Variants in RORA observed in about 807,000 individuals in gnomAD.
The protein encoded by RORA is RAR related orphan receptor A.
In RORA, 7 loss-of-function variants were observed where a neutral mutation model predicts 69.5. That is an observed-to-expected ratio of 0.10 (90% CI 0.06 to 0.19). The LOEUF is 0.19. Ranked by LOEUF, RORA falls within the 10% of genes least tolerant of loss-of-function variation. RORA has a pLI of 1.00. For missense variants in RORA, 457 were observed against 663.0 expected, an observed-to-expected ratio of 0.69 and a Z score of 3.41; for synonymous variants, 261 against 240.8, an observed-to-expected ratio of 1.08 and a Z score of -0.78.
Position 60,987,254 on chromosome 15 carries a change from C to T in RORA, c.166+241799G>A, listed in dbSNP as rs890128407. Among the ~76,000 whole-genome samples, 13 of 152,302 alleles carry T rather than the reference C, an allele frequency of 8.5e-5. No individual in the cohort carries two copies. In the South Asian group the frequency reaches 1.0e-3, roughly 12 times the overall value. ...TTGTTGGGCACGTCATTCTCACCTC[C>T]GTGCCTTGGTCCCAGCTGTTCCTTC... is the stretch of plus-strand genomic sequence containing the variant. On this transcript the variant is annotated intron_variant, in intron 1 of 10. Coordinates refer to ENST00000335670, the MANE Select transcript of RORA (RefSeq NM_134261.3).
chr15:60,966,703 T>TG (rs1893562938), intron 1 of RORA, among the ~76,000 whole-genome samples: 1 of 152,212 alleles, frequency 6.6e-6, no homozygotes, highest in South Asian at 2.1e-4. Flanking sequence ...TCTACATTTC[T>TG]GATAAACCTG....
intron 1 of RORA, among the ~76,000 whole-genome samples, chr15:61,026,137 G>A (rs764735947): frequency 1.1e-4 from 16 of 152,168 alleles, no homozygotes; most frequent in Non-Finnish European, 1.6e-4. Context: ...GTCTTCGTGA[G>A]CTACCACAAT....
intron 1 of RORA, 114 bp downstream of exon 1, chr15:61,228,939 G>C (rs2052304740): frequency 3.5e-6 from 1 of 282,108 alleles, no homozygotes; most frequent in African/African-American, 2.3e-5. Flanking sequence ...GGGCGCCGCC[G>C]CAGGCTCGCG....
chr15:60,567,956 T>C (rs1265548826), intron 2 of RORA, among the ~76,000 whole-genome samples: 1 of 152,202 alleles, frequency 6.6e-6, no homozygotes, highest in East Asian at 1.9e-4. Flanking sequence ...GTAGAAAGCA[T>C]GCTCTGTGGC....
At chr15:60,787,365 C>T (rs566116514) in intron 1 of RORA, among the ~76,000 whole-genome samples, 1 of 152,328 alleles carries the variant, frequency 6.6e-6, no homozygotes, top group East Asian at 1.9e-4. Flanking sequence ...GCAGCAATCA[C>T]GAAGGAGCCA....
chr15:61,082,308 G>A (rs902884068), intron 1 of RORA, among the ~76,000 whole-genome samples: 5 of 152,184 alleles, frequency 3.3e-5, no homozygotes, highest in African/African-American at 1.2e-4. Flanking sequence ...GGCCAACATG[G>A]TGAAGCCCCG....
At chr15:61,125,271 C>T (rs1247322564) in intron 1 of RORA, among the ~76,000 whole-genome samples, 4 of 152,170 alleles carry the variant, frequency 2.6e-5, no homozygotes, top group Non-Finnish European at 5.9e-5. Flanking sequence ...ACACTGAATG[C>T]CCTACACATG....
Position 60,696,732 on chromosome 15 carries a change from C to T in RORA, c.167-18046G>A, listed in dbSNP as rs375842649. 3.4e-4 allele frequency among the ~76,000 whole-genome samples: 52 copies of T among 152,272 alleles called. No homozygotes were observed. In the South Asian group the frequency reaches 5.8e-3, roughly 17 times the overall value. ...TGACCCACTCACCGTGAAACACTTG[C>T]GGAGCCAAAATTCTAGGAAAAGCAC... On this transcript the variant is annotated intron_variant, in intron 1 of 10. Coordinates refer to ENST00000335670, the MANE Select transcript of RORA (RefSeq NM_134261.3).
chr15:60,925,685 T>C (rs1346953672), intron 1 of RORA, among the ~76,000 whole-genome samples: 2 of 152,192 alleles, frequency 1.3e-5, no homozygotes, highest in East Asian at 3.9e-4. Context: ...GCACTTTGCC[T>C]TTCTGGGCTT....
At chr15:61,047,224 C>T (rs1897073898) in intron 1 of RORA, among the ~76,000 whole-genome samples, 1 of 152,252 alleles carries the variant, frequency 6.6e-6, no homozygotes, top group African/African-American at 2.4e-5. Context: ...CAGGGATTTG[C>T]ACTAGCTCTC....
intron 1 of RORA, among the ~76,000 whole-genome samples, chr15:61,133,869 T>C (rs1442605771): frequency 6.6e-6 from 1 of 152,150 alleles, no homozygotes; most frequent in African/African-American, 2.4e-5. Context: ...TCAATGAAAA[T>C]AAATCTTTAA....
rs1566968654 is a variant in RORA at position 61,059,949 on chromosome 15, AGAAGAAGAAGAAGAG to A, written c.166+169089_166+169103del. Among the ~76,000 whole-genome samples the A allele has an allele frequency of 2.3e-4, 31 of 135,768 alleles. 1 individual carries two copies. The highest frequency in any genetic ancestry group is 8.4e-4 in the African/African-American group (30 of 35,670). The allele number at this position is 135,768 out of a possible 152,430, so 89.1% of individuals were successfully genotyped here. A position where few individuals can be genotyped will look rare whatever the true frequency, so the allele number is the denominator to read the frequency against. ...AAGAAGAAGAACAAGAAGAAGAAGAAGAAGAAGAAGAAGAGGAAGAGGAAGAGGAAGAGGAAGAGG... is the reference window on the plus strand; with the variant it reads ...AAGAAGAAGAACAAGAAGAAGAAGAAGAAGAGGAAGAGGAAGAGGAAGAGG... On this transcript the variant is annotated intron_variant, in intron 1 of 10. Coordinates refer to ENST00000335670, the MANE Select transcript of RORA (RefSeq NM_134261.3).
At chr15:61,133,788 G>A (rs1451373860) in intron 1 of RORA, among the ~76,000 whole-genome samples, 1 of 152,128 alleles carries the variant, frequency 6.6e-6, no homozygotes, top group Non-Finnish European at 1.5e-5. Context: ...CAGGAATCTG[G>A]GAACATTTGC....
intron 1 of RORA, among the ~76,000 whole-genome samples, chr15:60,800,633 C>T (rs1482552906): frequency 1.3e-5 from 2 of 152,106 alleles, no homozygotes; most frequent in African/African-American, 4.8e-5. Context: ...ACTCAGGGGG[C>T]GAGAGACTTT....
At chr15:60,622,907 G>C (rs2069456103) in intron 2 of RORA, among the ~76,000 whole-genome samples, 1 of 151,906 alleles carries the variant, frequency 6.6e-6, no homozygotes, top group African/African-American at 2.4e-5. Flanking sequence ...GTAGAGATGG[G>C]GTTTCACCAT....
At chr15:60,586,540 TA>T (rs1255289460) in intron 2 of RORA, among the ~76,000 whole-genome samples, 2 of 152,174 alleles carry the variant, frequency 1.3e-5, no homozygotes, top group Non-Finnish European at 2.9e-5. Flanking sequence ...AAAGATGGAT[TA>T]AATGTGTTCT....
rs75709324 is a variant in RORA, at chr15:61,089,563, C to A, written c.166+139490G>T. Among the ~76,000 whole-genome samples, 549 of 152,246 alleles carry A rather than the reference C, an allele frequency of 3.6e-3. 5 individuals carry two copies. The highest frequency in any genetic ancestry group is 0.013 in the African/African-American group (537 of 41,540). On this transcript the variant is annotated intron_variant, in intron 1 of 10. Coordinates refer to ENST00000335670, the MANE Select transcript of RORA (RefSeq NM_134261.3). ...CCTTTCACTTGCTTGAATACACAGGCCATCCTTGGAGATCACTTCTAAAAG... is the reference window on the plus strand; with the variant it reads ...CCTTTCACTTGCTTGAATACACAGGACATCCTTGGAGATCACTTCTAAAAG...
intron 1 of RORA, among the ~76,000 whole-genome samples, chr15:60,760,685 A>G (rs1217485426): frequency 6.6e-6 from 1 of 152,218 alleles, no homozygotes; most frequent in Non-Finnish European, 1.5e-5. Context: ...TGAAAATGCT[A>G]GGGTTCCATT....
chr15:60,866,643 T>C (rs2073490434), intron 1 of RORA, among the ~76,000 whole-genome samples: 1 of 152,036 alleles, frequency 6.6e-6, no homozygotes, highest in Non-Finnish European at 1.5e-5. Flanking sequence ...TTTAAATTAG[T>C]CACCAGTGGC....
Sources: allele counts gnomAD v4.1 joint callset (sites outside exome capture counted in the v4.1 genomes callset), GRCh38; gene constraint gnomAD v4.1.1; transcripts MANE v1.5; gene names NCBI Gene and HGNC (gene_info 2026-07-23, HGNC 2026-07-21).